The following FSIP1 variants were observed in gnomAD, a reference collection of about 807,000 sequenced individuals.
FSIP1 encodes fibrous sheath interacting protein 1, also known as fibrous sheath-interacting protein 1.
A neutral mutation model predicts 60.9 loss-of-function variants in FSIP1; 65 were observed. That is an observed-to-expected ratio of 1.07 (90% CI 0.87 to 1.31). The LOEUF (loss-of-function observed/expected upper bound fraction) is 1.31, where lower values mean the gene tolerates loss of function less well. Among genes scored for constraint, FSIP1 ranks in the 40% most tolerant of loss-of-function variants. FSIP1 has a pLI of 0.00. For missense variants in FSIP1, 675 were observed against 665.5 expected, an observed-to-expected ratio of 1.01 and a Z score of -0.16; for synonymous variants, 209 against 221.2, an observed-to-expected ratio of 0.94 and a Z score of 0.49.
At chr15:39,768,864 G>A (rs1262063616) in intron 3 of FSIP1, among the ~76,000 whole-genome samples, 2 of 152,136 alleles carry the variant, frequency 1.3e-5, no homozygotes, top group Non-Finnish European at 2.9e-5. Flanking sequence ...ACATTGAATG[G>A]ATCTTTTATC....
chr15:39,630,484 G>A (rs1051194720), intron 10 of FSIP1, among the ~76,000 whole-genome samples: 1 of 152,198 alleles, frequency 6.6e-6, no homozygotes, highest in African/African-American at 2.4e-5. Flanking sequence ...TTATTAGGTG[G>A]GTATCCAGAC....
chr15:39,747,714 G>T (rs1439202869), intron 5 of FSIP1, among the ~76,000 whole-genome samples: 1 of 152,058 alleles, frequency 6.6e-6, no homozygotes, highest in African/African-American at 2.4e-5. Context: ...ATTTTTATAG[G>T]TAAAATAAGA....
chr15:39,749,160 T>C (rs1268404102), intron 5 of FSIP1, among the ~76,000 whole-genome samples: 1 of 147,274 alleles, frequency 6.8e-6, no homozygotes, highest in Non-Finnish European at 1.5e-5. Context: ...AAGTAGTAAT[T>C]AAAAACTTCC....
chr15:39,626,242 T>C (rs573062149), intron 10 of FSIP1, among the ~76,000 whole-genome samples: 2 of 152,332 alleles, frequency 1.3e-5, no homozygotes, highest in South Asian at 2.1e-4. Context: ...AACTTCACAA[T>C]TGAAGAGAAG....
At chr15:39,693,284 T>C (rs1595621748) in intron 10 of FSIP1, among the ~76,000 whole-genome samples, 2 of 152,204 alleles carry the variant, frequency 1.3e-5, no homozygotes, top group South Asian at 2.1e-4. Context: ...CTGGATTTTA[T>C]GGTCTGGTAG....
At chr15:39,661,043 C>G (rs762786582) in intron 10 of FSIP1, among the ~76,000 whole-genome samples, 24 of 152,314 alleles carry the variant, frequency 1.6e-4, no homozygotes, top group Non-Finnish European at 2.6e-4. Context: ...GCCTGAGCAA[C>G]AGAGAGAGAC....
intron 10 of FSIP1, among the ~76,000 whole-genome samples, chr15:39,696,698 T>C (rs1387402436): frequency 6.6e-6 from 1 of 152,156 alleles, no homozygotes; most frequent in East Asian, 1.9e-4. Flanking sequence ...AAAGGCCTCA[T>C]TCAATAGACA....
chr15:39,711,746 G>T lies in FSIP1; in HGVS notation c.1188+1698C>A, dbSNP rs543470782. ...CACCCAGGCTGGAGTGTGCAGTGGC[G>T]CAATCTCGGCTCACTGCAATCTCTG... On this transcript the variant is annotated intron_variant, in intron 10 of 11. Transcript: ENST00000350221. Among the ~76,000 whole-genome samples the T allele has an allele frequency of 1.4e-3, 195 of 137,770 alleles. 1 individual carries two copies. The highest frequency in any genetic ancestry group is 9.4e-3 in the South Asian group (39 of 4,170). The allele number at this position is 137,770 out of a possible 152,430, so 90.4% of individuals were successfully genotyped here. A position where few individuals can be genotyped will look rare whatever the true frequency, so the allele number is the denominator to read the frequency against.
At chr15:39,743,799 C>CT (rs371043163) in intron 5 of FSIP1, among the ~76,000 whole-genome samples, 81 of 152,318 alleles carry the variant, frequency 5.3e-4, no homozygotes, top group African/African-American at 1.9e-3. Flanking sequence ...GAGAAGGACA[C>CT]TATCACTTCT....
chr15:39,759,221 T>C (rs1595394170), intron 5 of FSIP1, among the ~76,000 whole-genome samples: 1 of 151,982 alleles, frequency 6.6e-6, no homozygotes, highest in East Asian at 1.9e-4. Flanking sequence ...ATGCTTATGG[T>C]GTTTGTGACA....
At chr15:39,708,327 T>C (rs969140862) in intron 10 of FSIP1, among the ~76,000 whole-genome samples, 2 of 152,186 alleles carry the variant, frequency 1.3e-5, no homozygotes, top group Non-Finnish European at 2.9e-5. Flanking sequence ...CACCCCATGA[T>C]ACTTCAACAC....
intron 3 of FSIP1, 132 bp from the exon 4 acceptor site, chr15:39,765,878 T>G: frequency 4.0e-6 from 2 of 503,768 alleles, no homozygotes; most frequent in East Asian, 3.5e-5. Flanking sequence ...ATTGGTACCA[T>G]GTATCTCAAT....
chr15:39,714,332 G>A (rs956573273), intron 9 of FSIP1, among the ~76,000 whole-genome samples: 2 of 151,864 alleles, frequency 1.3e-5, no homozygotes, highest in Non-Finnish European at 2.9e-5. Flanking sequence ...GGCATTTCTT[G>A]ATAGGAATTT....
chr15:39,621,618 A>G (rs558064908), intron 10 of FSIP1, among the ~76,000 whole-genome samples: 1 of 152,372 alleles, frequency 6.6e-6, no homozygotes, highest in East Asian at 1.9e-4. Context: ...ATAAAAATAA[A>G]TTTTAAAATA....
chr15:39,679,060 CAG>C (rs35492198), intron 10 of FSIP1, among the ~76,000 whole-genome samples: 85,372 of 151,820 alleles, frequency 0.56, 24,883 homozygotes, highest in Non-Finnish European at 0.66. Flanking sequence ...CATTCTTCAG[CAG>C]AGTTTACTAA....
rs553188089 is a variant in FSIP1 at position 39,726,601 on chromosome 15, A to G, written c.1038T>C (p.Asn346=). 3.1e-6 allele frequency: 5 copies of G among 1,614,058 alleles called. No individual in the cohort carries two copies. In the African/African-American group the frequency reaches 4.0e-5, roughly 13 times the overall value. The change falls in exon 9 of 12, where the codon AAT becomes AAC. Residue 346 remains asparagine (N), a synonymous_variant. Transcript: ENST00000350221. ...TISSFSPRLE[N]RNNQKPDRDG... ...GTTCTTCAAATACCTGATTATTCCG[A>G]TTTTCAAGTCTTGGAGAAAAACTGG...
chr15:39,647,252 C>T (rs756166978), intron 10 of FSIP1, among the ~76,000 whole-genome samples: 28 of 152,126 alleles, frequency 1.8e-4, no homozygotes, highest in Non-Finnish European at 3.1e-4. Flanking sequence ...GTAGATTTTA[C>T]GTGTTCTTTC....
At chr15:39,662,285 C>T (rs1305239422) in intron 10 of FSIP1, among the ~76,000 whole-genome samples, 1 of 151,810 alleles carries the variant, frequency 6.6e-6, no homozygotes, top group African/African-American at 2.4e-5. Context: ...TCTAGATGTG[C>T]CATACCTAAA....
chr15:39,734,493 C>A (rs950042675), intron 8 of FSIP1, among the ~76,000 whole-genome samples: 1 of 151,946 alleles, frequency 6.6e-6, no homozygotes, highest in Non-Finnish European at 1.5e-5. Flanking sequence ...CAGATGATTT[C>A]AATATATCCT....
Sources: allele counts gnomAD v4.1 joint callset (sites outside exome capture counted in the v4.1 genomes callset), GRCh38; gene constraint gnomAD v4.1.1; transcripts MANE v1.5; gene names NCBI Gene and HGNC (gene_info 2026-07-23, HGNC 2026-07-21).